Variants in BCL2L13 observed in about 807,000 individuals in gnomAD.
BCL2L13 encodes the protein bcl-2-like protein 13.
A neutral mutation model predicts 25.8 loss-of-function variants in BCL2L13; 13 were observed. The ratio of observed to expected loss-of-function variants is 0.50; its 90% confidence interval spans 0.33 to 0.80. The LOEUF is 0.80. Ranked by LOEUF, BCL2L13 falls within the 30% of genes least tolerant of loss-of-function variation. The probability of loss-of-function intolerance (pLI) is 0.02; values close to 1 mark genes in which losing one functional copy is unlikely to be tolerated. For missense variants in BCL2L13, 504 were observed against 574.9 expected, an observed-to-expected ratio of 0.88 and a Z score of 1.26; for synonymous variants, 244 against 230.3, an observed-to-expected ratio of 1.06 and a Z score of -0.54.
intron 2 of BCL2L13, among the ~76,000 whole-genome samples, chr22:17,675,609 A>G (rs2059555078): frequency 6.6e-6 from 1 of 152,206 alleles, no homozygotes; most frequent in Admixed American, 6.5e-5. Context: ...ACTGTAGCTT[A>G]TGACAGTGAT....
At chr22:17,657,655 G>A (rs1264632752) in intron 2 of BCL2L13, among the ~76,000 whole-genome samples, 1 of 151,866 alleles carries the variant, frequency 6.6e-6, no homozygotes, top group Admixed American at 6.6e-5. Flanking sequence ...GGGACTAGAG[G>A]CACGTGCCAC....
chr22:17,651,268 G>T (rs1279422596), intron 1 of BCL2L13, among the ~76,000 whole-genome samples: 1 of 151,800 alleles, frequency 6.6e-6, no homozygotes, highest in Admixed American at 6.6e-5. Flanking sequence ...AAAGTGCTAG[G>T]ATTATAGGCG....
At chr22:17,682,824 T>G (rs1288174867) in intron 2 of BCL2L13, among the ~76,000 whole-genome samples, 3 of 152,184 alleles carry the variant, frequency 2.0e-5, no homozygotes, top group East Asian at 1.9e-4. Flanking sequence ...GATTTTGCAT[T>G]TTTTGGCTTA....
At chr22:17,662,108 T>G (rs1449974157) in intron 2 of BCL2L13, among the ~76,000 whole-genome samples, 5 of 152,224 alleles carry the variant, frequency 3.3e-5, no homozygotes, top group Non-Finnish European at 5.9e-5. Context: ...TGATAGAGTT[T>G]TTAGCACAAT....
chr22:17,638,786 A>G lies in BCL2L13; in HGVS notation c.-151A>G. ...TCCAACATGGCGGCGGCGGTAGATTAGGGCCGCGGGTCGGAGCACTCACCG... is the reference window on the plus strand; with the variant it reads ...TCCAACATGGCGGCGGCGGTAGATTGGGGCCGCGGGTCGGAGCACTCACCG... On this transcript the variant is annotated 5_prime_UTR_variant, in exon 1 of 7. The change abolishes the stop of an existing upstream ORF in the 5' untranslated region. Coordinates refer to ENST00000317582, the MANE Select transcript of BCL2L13 (RefSeq NM_015367.4). The G allele has an allele frequency of 8.1e-7, 1 of 1,231,724 alleles. No individual in the cohort carries two copies. Among genetic ancestry groups the G allele is most frequent in the South Asian group, 4.1e-5 (1 of 24,320 alleles). The allele number at this position is 1,231,724 out of a possible 1,614,324, so 76.3% of individuals were successfully genotyped here.
chr22:17,726,645 C>A (rs2061306668), intron 6 of BCL2L13, 32 bp from the exon 7 acceptor site: 3 of 1,583,676 alleles, frequency 1.9e-6, no homozygotes, highest in East Asian at 4.5e-5. Flanking sequence ...AGTTACCATT[C>A]TTTATTATTG....
At chr22:17,703,172 T>TACAC (rs370873828) in intron 6 of BCL2L13, 8 of 147,082 alleles carry the variant, frequency 5.4e-5, no homozygotes, top group African/African-American at 2.1e-4. Context: ...AATATATATA[T>TACAC]ACACACACAC....
chr22:17,667,855 A>G (rs2059282986), intron 2 of BCL2L13, among the ~76,000 whole-genome samples: 1 of 151,958 alleles, frequency 6.6e-6, no homozygotes, highest in African/African-American at 2.4e-5. Context: ...TATCAGATAC[A>G]TGATTGCTAG....
chr22:17,635,731 A>G (rs2058092441), upstream of BCL2L13, among the ~76,000 whole-genome samples: 3 of 151,048 alleles, frequency 2.0e-5, no homozygotes, highest in Admixed American at 2.0e-4. Context: ...TTTTTTTTAG[A>G]CAGAGTCTCA....
intron 3 of BCL2L13, among the ~76,000 whole-genome samples, chr22:17,683,917 C>A (rs1407438363): frequency 1.3e-5 from 2 of 150,996 alleles, no homozygotes; most frequent in Non-Finnish European, 2.9e-5. Flanking sequence ...CTCTGTTGCC[C>A]AGGCTGGAGT....
At chr22:17,692,376 G>A (rs984810449) in intron 4 of BCL2L13, 12 of 152,144 alleles carry the variant, frequency 7.9e-5, no homozygotes, top group African/African-American at 2.7e-4. Flanking sequence ...AAATACTTTA[G>A]CCTGGTAGAC....
At chr22:17,694,164 T>C (rs1043198246) in intron 4 of BCL2L13, among the ~76,000 whole-genome samples, 2 of 152,174 alleles carry the variant, frequency 1.3e-5, no homozygotes, top group Non-Finnish European at 2.9e-5. Context: ...AAATCTGTTA[T>C]CTGAACAATT....
intron 1 of BCL2L13, among the ~76,000 whole-genome samples, chr22:17,642,523 A>G (rs939539214): frequency 1.3e-5 from 2 of 152,008 alleles, no homozygotes; most frequent in African/African-American, 4.8e-5. Context: ...GTGTATCAGT[A>G]CTTTATTCCT....
At position 17,730,855 on chromosome 22, in the gene BCL2L13, T is replaced by C. The variant is rs1302948774; in HGVS notation, c.*3321T>C. 1.3e-5 allele frequency: 2 copies of C among 152,120 alleles called. No individual in the cohort carries two copies. Among genetic ancestry groups the C allele is most frequent in the African/African-American group, 2.4e-5 (1 of 41,452 alleles). The allele number at this position is 152,120 out of a possible 1,614,324, so 9.4% of individuals were successfully genotyped here. On this transcript the variant is annotated 3_prime_UTR_variant, in exon 7 of 7. Coordinates refer to ENST00000317582, the MANE Select transcript of BCL2L13 (RefSeq NM_015367.4). ...TCTCTGGTGCACCAAAACCTGCCCT[T>C]AGTGATAATCTCTCAATTATGACAT...
At chr22:17,681,618 G>A (rs2059758804) in intron 2 of BCL2L13, among the ~76,000 whole-genome samples, 3 of 152,054 alleles carry the variant, frequency 2.0e-5, no homozygotes, top group South Asian at 2.1e-4. Flanking sequence ...TGGGAGGAGG[G>A]GCCATTATTT....
rs145953736 is a variant in BCL2L13 at position 17,702,537 on chromosome 22, G to A, written c.600+151G>A. 63 of 677,806 alleles carry A rather than the reference G, an allele frequency of 9.3e-5. No individual in the cohort carries two copies. In the African/African-American group the frequency reaches 1.0e-3, roughly 11 times the overall value. 42.0% of individuals were successfully genotyped at this position (677,806 alleles called of 1,614,324 possible). A position where few individuals can be genotyped will look rare whatever the true frequency, so the allele number is the denominator to read the frequency against. ...TGGCAGGCTTCGGTCTCAAACTCCT[G>A]GGCTCAAGTGATCCTGCCTCAGGTC... On this transcript the variant is annotated intron_variant, in intron 6 of 6. Transcript: ENST00000317582.
At chr22:17,638,418 AC>A, upstream of BCL2L13, 1 of 359,442 alleles carries the variant, frequency 2.8e-6, no homozygotes, top group Non-Finnish European at 5.0e-6. Context: ...CCCTTGGCAA[AC>A]ACTTGAAACG....
At chr22:17,674,746 C>T (rs2059527934) in intron 2 of BCL2L13, among the ~76,000 whole-genome samples, 1 of 152,090 alleles carries the variant, frequency 6.6e-6, no homozygotes, top group Non-Finnish European at 1.5e-5. Context: ...GCCTAGGCCT[C>T]CCAAGTAGCT....
chr22:17,673,437 G>A (rs1275341116), intron 2 of BCL2L13, among the ~76,000 whole-genome samples: 4 of 148,676 alleles, frequency 2.7e-5, no homozygotes, highest in Admixed American at 6.8e-5. Context: ...GTGCGATCTC[G>A]GCTCACTGCA....
Sources: allele counts gnomAD v4.1 joint callset (sites outside exome capture counted in the v4.1 genomes callset), GRCh38; gene constraint gnomAD v4.1.1; transcripts MANE v1.5; gene names NCBI Gene and HGNC (gene_info 2026-07-23, HGNC 2026-07-21).